Variants in GIGYF2 observed in about 807,000 individuals in gnomAD.
The protein encoded by GIGYF2 is GRB10-interacting GYF protein 2.
GIGYF2 carries 25 observed loss-of-function variants against 208.1 expected under a neutral mutation model. The observed-to-expected ratio is 0.12, with a 90% CI of 0.09 to 0.17. The LOEUF (loss-of-function observed/expected upper bound fraction) is 0.17. Among genes scored for constraint, GIGYF2 ranks in the 10% least tolerant of loss-of-function variants. GIGYF2 has a pLI of 1.00. For missense variants in GIGYF2, 1,302 were observed against 1,579.4 expected, an observed-to-expected ratio of 0.82 and a Z score of 2.98; for synonymous variants, 534 against 543.8, an observed-to-expected ratio of 0.98 and a Z score of 0.25.
intron 2 of GIGYF2, among the ~76,000 whole-genome samples, chr2:232,711,272 T>G (rs9646890): frequency 8.0e-6 from 1 of 125,550 alleles, no homozygotes; most frequent in African/African-American, 3.0e-5. Flanking sequence ...TTTTTTTTTG[T>G]ATTTTTTTAT....
At chr2:232,726,640 C>G (rs1697215927) in intron 2 of GIGYF2, among the ~76,000 whole-genome samples, 1 of 151,740 alleles carries the variant, frequency 6.6e-6, no homozygotes, top group Non-Finnish European at 1.5e-5. Context: ...TAAATAGGTC[C>G]TATAGCTTTT....
chr2:232,843,270 G>A (rs1434967484), intron 23 of GIGYF2, among the ~76,000 whole-genome samples: 1 of 151,638 alleles, frequency 6.6e-6, no homozygotes, highest in Non-Finnish European at 1.5e-5. Context: ...TTTTTAAGAA[G>A]TAATTCTGGC....
chr2:232,809,845 C>T, intron 16 of GIGYF2, 34 bp downstream of exon 16: 4 of 1,128,992 alleles, frequency 3.5e-6, no homozygotes, highest in Non-Finnish European at 5.4e-6. Flanking sequence ...TGTACTGCAG[C>T]ATGAAAAAGG....
intron 3 of GIGYF2, among the ~76,000 whole-genome samples, chr2:232,744,520 G>GT (rs980581554): frequency 4.3e-4 from 64 of 149,318 alleles, no homozygotes; most frequent in Admixed American, 8.0e-4. Context: ...GAAAGATTGT[G>GT]TTTTTTTTTC....
At position 232,844,068 on chromosome 2, in the gene GIGYF2, T is replaced by C. The variant is rs762114451; in HGVS notation, c.2912T>C (p.Leu971Ser). 6.2e-7 allele frequency: 1 copy of C among 1,612,600 alleles called. No individual in the cohort carries two copies. Among genetic ancestry groups the C allele is most frequent in the Non-Finnish European group, 8.5e-7 (1 of 1,179,014 alleles). ...REEQRRQQRE[L>S]MKALQQQQQQ... ...CAGCAAAGGCGCCAGCAGAGGGAGTTGATGAAAGCTCTTCAGCAGCAGCAG... is the reference window on the plus strand; with the variant it reads ...CAGCAAAGGCGCCAGCAGAGGGAGTCGATGAAAGCTCTTCAGCAGCAGCAG... Residue 971 changes from leucine to serine, a missense_variant, in exon 24 of 29, where the codon TTG (leucine) becomes TCG (serine). Transcript: ENST00000373563.
At chr2:232,701,768 T>C (rs1235233097) in intron 1 of GIGYF2, among the ~76,000 whole-genome samples, 1 of 152,082 alleles carries the variant, frequency 6.6e-6, no homozygotes, top group East Asian at 1.9e-4. Context: ...GATTTAATTT[T>C]GCAAAAAAAG....
intron 8 of GIGYF2, among the ~76,000 whole-genome samples, chr2:232,782,999 A>C (rs1482328750): frequency 6.6e-6 from 1 of 152,182 alleles, no homozygotes; most frequent in African/African-American, 2.4e-5. Flanking sequence ...GTACTTTTAA[A>C]AAATGTTTTC....
At position 232,781,174 on chromosome 2, in the gene GIGYF2, G is replaced by T. The variant is rs914047448; in HGVS notation, c.533-5976G>T. On this transcript the variant is annotated intron_variant, in intron 8 of 28. Transcript: ENST00000373563. ...GGGTTTTGTCATGTTGGCCAGGCTG[G>T]TCTCGAACTCCTGACCTCAGGTGAT... 9.9e-5 allele frequency among the ~76,000 whole-genome samples: 15 copies of T among 152,006 alleles called. No individual in the cohort carries two copies. The East Asian group carries it at 2.9e-3, about 29-fold the overall frequency.
Position 232,833,104 on chromosome 2 carries a change from A to G in GIGYF2, c.2766+11A>G, listed in dbSNP as rs1011882515. On this transcript the variant is annotated intron_variant, in intron 22 of 28. Coordinates refer to ENST00000373563, the MANE Select transcript of GIGYF2 (RefSeq NM_001103146.3). Reference sequence around the variant, plus strand: ...CTGGCGCAGATGAAGGTAAAGCCCGAGGCATCAACCTTAGGAGCTCCTTGC... The same window carrying G: ...CTGGCGCAGATGAAGGTAAAGCCCGGGGCATCAACCTTAGGAGCTCCTTGC... 2 of 1,541,138 alleles carry G rather than the reference A, an allele frequency of 1.3e-6. No homozygotes were observed. Among genetic ancestry groups the G allele is most frequent in the African/African-American group, 1.4e-5 (1 of 72,974 alleles).
intron 22 of GIGYF2, among the ~76,000 whole-genome samples, chr2:232,837,842 C>T (rs1353198368): frequency 6.6e-6 from 1 of 152,132 alleles, no homozygotes; most frequent in Non-Finnish European, 1.5e-5. Context: ...TGCTGTCATT[C>T]CGACAGTGAA....
intron 8 of GIGYF2, among the ~76,000 whole-genome samples, chr2:232,763,119 A>G (rs957439328): frequency 3.9e-5 from 6 of 152,186 alleles, no homozygotes; most frequent in African/African-American, 1.4e-4. Context: ...TGTTGGATTA[A>G]CATAATCATG....
intron 2 of GIGYF2, among the ~76,000 whole-genome samples, chr2:232,730,712 A>C (rs1467573522): frequency 1.4e-5 from 2 of 148,052 alleles, no homozygotes; most frequent in African/African-American, 5.0e-5. Context: ...TCCCGGCTAA[A>C]ATGGTGAAAC....
intron 2 of GIGYF2, among the ~76,000 whole-genome samples, chr2:232,728,749 T>C (rs1697318870): frequency 6.6e-6 from 1 of 152,144 alleles, no homozygotes; most frequent in South Asian, 2.1e-4. Flanking sequence ...CTCTTTGCCA[T>C]TCCGTAATTT....
At chr2:232,800,496 T>A (rs1361252042) in intron 14 of GIGYF2, among the ~76,000 whole-genome samples, 1 of 152,204 alleles carries the variant, frequency 6.6e-6, no homozygotes, top group East Asian at 1.9e-4. Context: ...GTCTTTATAT[T>A]GGCATTACAC....
intron 3 of GIGYF2, among the ~76,000 whole-genome samples, chr2:232,741,435 T>C (rs1041102379): frequency 7.3e-6 from 1 of 136,064 alleles, no homozygotes; most frequent in Non-Finnish European, 1.6e-5. Flanking sequence ...CCTGGCTTCC[T>C]TTTTTTTTTT....
At chr2:232,700,001 C>T (rs533056935) in intron 1 of GIGYF2, among the ~76,000 whole-genome samples, 46 of 152,252 alleles carry the variant, frequency 3.0e-4, no homozygotes, top group African/African-American at 1.0e-3. Context: ...AGTTTATCTC[C>T]ATATTCTTTT....
intron 14 of GIGYF2, among the ~76,000 whole-genome samples, chr2:232,800,265 A>G (rs1287882147): frequency 6.6e-6 from 1 of 152,178 alleles, no homozygotes; most frequent in East Asian, 1.9e-4. Flanking sequence ...GATTTAGGTC[A>G]TGCACTTAGA....
At chr2:232,718,500 A>C (rs1420690968) in intron 2 of GIGYF2, among the ~76,000 whole-genome samples, 1 of 152,172 alleles carries the variant, frequency 6.6e-6, no homozygotes, top group Non-Finnish European at 1.5e-5. Flanking sequence ...ATAATACCCA[A>C]ATGTCAGTTT....
rs568442335 is a variant in GIGYF2, at chr2:232,837,820, C to T, written c.2767-2029C>T. On this transcript the variant is annotated intron_variant, in intron 22 of 28. Transcript: ENST00000373563. The stretch of plus-strand genomic sequence containing the variant: ...CCAGTTTTGCCAGGGAGCAGGTCCA[C>T]GCAGCTCCTCATGCTGTCATTCCGA... 3.9e-5 allele frequency among the ~76,000 whole-genome samples: 6 copies of T among 152,200 alleles called. No individual in the cohort carries two copies. The South Asian group carries it at 1.0e-3, about 26-fold the overall frequency.
Sources: gnomAD v4.1 joint callset for allele counts (sites outside exome capture counted in the v4.1 genomes callset) on GRCh38, gnomAD v4.1.1 for gene constraint, MANE v1.5 for transcripts, NCBI Gene and HGNC (gene_info 2026-07-23, HGNC 2026-07-21) for gene names.